The following PRIM2 variants were observed in gnomAD, a reference collection of about 807,000 sequenced individuals.
PRIM2 encodes DNA primase large subunit.
A neutral mutation model predicts 67.3 loss-of-function variants in PRIM2; 39 were observed. The ratio of observed to expected loss-of-function variants is 0.58; its 90% CI spans 0.45 to 0.76. The LOEUF (loss-of-function observed/expected upper bound fraction) is 0.76. Ranked by LOEUF, PRIM2 falls within the 30% of genes least tolerant of loss-of-function variation. PRIM2 has a pLI of 0.00. For synonymous variants in PRIM2, 143 were observed against 198.7 expected (o/e 0.72, Z 2.36); for missense variants, 398 against 598.7 (o/e 0.66, Z 3.50).
chr6:57,400,037 G>T (rs970895179), intron 7 of PRIM2, among the ~76,000 whole-genome samples: 129 of 151,784 alleles, frequency 8.5e-4, no homozygotes, highest in African/African-American at 3.0e-3. Flanking sequence ...GCATACCATT[G>T]GGTCTTGCTT....
At chr6:57,324,341 T>TTTA (rs1303868466) in intron 4 of PRIM2, 61 bp downstream of exon 4, 1 of 1,077,786 alleles carries the variant, frequency 9.3e-7, no homozygotes, top group Non-Finnish European at 1.4e-6. Context: ...AATTGGTGTG[T>TTTA]GGTAAGTTGA....
chr6:57,316,301 A>G (rs927403759), upstream of PRIM2, among the ~76,000 whole-genome samples: 7 of 152,096 alleles, frequency 4.6e-5, no homozygotes, highest in African/African-American at 1.4e-4. Flanking sequence ...AATCCCAGCT[A>G]TTTGGGAGGC....
intron 7 of PRIM2, among the ~76,000 whole-genome samples, chr6:57,427,518 A>G (rs1771671667): frequency 6.6e-6 from 1 of 152,078 alleles, no homozygotes. Flanking sequence ...GAGTTTCACC[A>G]TGTTGGCCAG....
At chr6:57,641,772 A>C (rs1777240131) in intron 13 of PRIM2, among the ~76,000 whole-genome samples, 1 of 152,200 alleles carries the variant, frequency 6.6e-6, no homozygotes, top group Admixed American at 6.5e-5. Context: ...GAATGCTTTT[A>C]CACTGTTGGT....
chr6:57,516,644 G>T (rs1425023061), intron 8 of PRIM2, among the ~76,000 whole-genome samples: 1 of 152,110 alleles, frequency 6.6e-6, no homozygotes, highest in Non-Finnish European at 1.5e-5. Flanking sequence ...TTGTAATGAG[G>T]TTACATTATA....
chr6:57,632,608 G>C (rs1335295277), intron 13 of PRIM2, among the ~76,000 whole-genome samples: 3 of 152,166 alleles, frequency 2.0e-5, no homozygotes, highest in African/African-American at 7.2e-5. Flanking sequence ...ATATGCAAAT[G>C]AACAGGTATG....
chr6:57,596,713 G>A (rs1328564126), intron 10 of PRIM2, among the ~76,000 whole-genome samples: 1 of 142,814 alleles, frequency 7.0e-6, no homozygotes, highest in Non-Finnish European at 1.5e-5. Context: ...TTCTCTTAAA[G>A]TATTGGACAG....
At chr6:57,631,687 G>C (rs1690138732) in intron 12 of PRIM2, among the ~76,000 whole-genome samples, 1 of 152,134 alleles carries the variant, frequency 6.6e-6, no homozygotes, top group Admixed American at 6.5e-5. Flanking sequence ...ATTTTATGCT[G>C]TATCTGTATA....
intron 7 of PRIM2, among the ~76,000 whole-genome samples, chr6:57,407,738 T>G (rs1770941725): frequency 6.6e-6 from 1 of 152,242 alleles, no homozygotes; most frequent in Non-Finnish European, 1.5e-5. Context: ...AATCATTCTT[T>G]TGAGGTCAAG....
intron 13 of PRIM2, among the ~76,000 whole-genome samples, chr6:57,633,661 C>T (rs1262086669): frequency 2.6e-5 from 4 of 152,122 alleles, no homozygotes; most frequent in African/African-American, 9.7e-5. Context: ...GACAATTTTT[C>T]CATGGTTAAA....
intron 8 of PRIM2, among the ~76,000 whole-genome samples, chr6:57,514,676 A>G (rs1774445089): frequency 6.6e-6 from 1 of 152,030 alleles, no homozygotes; most frequent in Non-Finnish European, 1.5e-5. Context: ...TGTATGGAAA[A>G]TGTTAATGCC....
At chr6:57,451,774 CCTTT>C (rs1310642842) in intron 7 of PRIM2, among the ~76,000 whole-genome samples, 32 of 148,788 alleles carry the variant, frequency 2.2e-4, no homozygotes, top group African/African-American at 7.4e-4. Flanking sequence ...TTGTTCATTT[CCTTT>C]CTTTTTTTTT....
chr6:57,328,000 T>G (rs1377547866), intron 5 of PRIM2, among the ~76,000 whole-genome samples: 1 of 152,114 alleles, frequency 6.6e-6, no homozygotes. Flanking sequence ...GGGTTCGCAC[T>G]CCTATAAGAA....
chr6:57,639,491 TGATA>T (rs1474335479), intron 13 of PRIM2, among the ~76,000 whole-genome samples: 3 of 151,272 alleles, frequency 2.0e-5, no homozygotes, highest in African/African-American at 7.3e-5. Flanking sequence ...TCAACAAAAT[TGATA>T]GACTGCTAGC....
At chr6:57,374,398 A>G (rs1047225085) in intron 5 of PRIM2, among the ~76,000 whole-genome samples, 2 of 148,886 alleles carry the variant, frequency 1.3e-5, no homozygotes, top group Non-Finnish European at 3.0e-5. Flanking sequence ...GGTTCACGCC[A>G]TTCTCCTGCC....
chr6:57,382,316 C>T (rs1769992256), intron 7 of PRIM2, 148 bp downstream of exon 7: 1 of 896,026 alleles, frequency 1.1e-6, no homozygotes, highest in Admixed American at 3.6e-5. Context: ...TACTGTTAAT[C>T]CCAAAATTCC....
At chr6:57,235,690 T>C in the PRIM2 span, among the ~76,000 whole-genome samples, 2 of 152,114 alleles carry the variant, frequency 1.3e-5, no homozygotes, top group Non-Finnish European at 2.9e-5. Flanking sequence ...GGTTAAGAAT[T>C]GTGAGATGGG....
intron 7 of PRIM2, among the ~76,000 whole-genome samples, chr6:57,444,364 C>T (rs550236997): frequency 1.2e-4 from 18 of 152,074 alleles, no homozygotes; most frequent in African/African-American, 4.1e-4. Context: ...GTCAAGAGTT[C>T]GAGACCAGCC....
chr6:57,321,792 G>A (rs1767668053), intron 3 of PRIM2, among the ~76,000 whole-genome samples: 1 of 152,144 alleles, frequency 6.6e-6, no homozygotes, highest in Admixed American at 6.6e-5. Flanking sequence ...CTTATGAGGT[G>A]GGTATTATTA....
Sources: allele counts gnomAD v4.1 joint callset (sites outside exome capture counted in the v4.1 genomes callset), GRCh38; gene constraint gnomAD v4.1.1; transcripts MANE v1.5; gene names NCBI Gene and HGNC (gene_info 2026-07-23, HGNC 2026-07-21).